FKBP15: variants seen among roughly 807,000 people sequenced by gnomAD.
The protein encoded by FKBP15 is FK506-binding protein 15.
A neutral mutation model predicts 158.1 loss-of-function variants in FKBP15; 106 were observed. That is an observed-to-expected ratio of 0.67 (90% CI 0.57 to 0.79). FKBP15 has a LOEUF of 0.79. FKBP15 is among the 30% of genes least tolerant of loss of function. The pLI is 0.00. For missense variants in FKBP15, 1,287 were observed against 1,479.1 expected (o/e 0.87, Z 2.13); for synonymous variants, 547 against 548.6 (o/e 1.00, Z 0.04).
chr9:113,207,889 G>A (rs1830923840), intron 2 of FKBP15, among the ~76,000 whole-genome samples: 1 of 152,138 alleles, frequency 6.6e-6, no homozygotes, highest in African/African-American at 2.4e-5. Context: ...GCTAGACAAG[G>A]AGTACTGTCT....
intron 1 of FKBP15, among the ~76,000 whole-genome samples, chr9:113,220,569 A>G (rs1831230087): frequency 6.6e-6 from 1 of 152,228 alleles, no homozygotes; most frequent in Non-Finnish European, 1.5e-5. Flanking sequence ...CTTCCTGAGC[A>G]CTCACTATGT....
chr9:113,189,041 T>C (rs1830531024), intron 12 of FKBP15, among the ~76,000 whole-genome samples: 1 of 152,222 alleles, frequency 6.6e-6, no homozygotes, highest in South Asian at 2.1e-4. Context: ...CCAAAGCTTT[T>C]CATAAAATCA....
rs539266189 is a variant in FKBP15 at position 113,164,490 on chromosome 9, A to G, written c.*1588T>C. 1 of 152,390 alleles carries G rather than the reference A, an allele frequency of 6.6e-6. No homozygotes were observed. Among genetic ancestry groups the G allele is most frequent in the Non-Finnish European group, 1.5e-5 (1 of 68,042 alleles). The allele number at this position is 152,390 out of a possible 1,614,324, so 9.4% of individuals were successfully genotyped here. A position where few individuals can be genotyped will look rare whatever the true frequency, so the allele number is the denominator to read the frequency against. ...TCTCTCCCTGCGGGCAGAAGCAAAT[A>G]TAATAGCCACTAGTTAATTTACAAT... is the stretch of plus-strand genomic sequence containing the variant. On this transcript the variant is annotated 3_prime_UTR_variant, in exon 28 of 28. Coordinates refer to ENST00000238256, the MANE Select transcript of FKBP15 (RefSeq NM_015258.2).
intron 22 of FKBP15, 41 bp downstream of exon 22, chr9:113,174,387 C>T (rs1239884463): frequency 8.1e-6 from 13 of 1,602,096 alleles, no homozygotes; most frequent in Admixed American, 5.1e-5. Context: ...GAGTCCTTCA[C>T]ACCTTCCCTC....
At position 113,165,810 on chromosome 9, in the gene FKBP15, T is replaced by TG. The variant is rs751802869; in HGVS notation, c.*267dup. On this transcript the variant is annotated 3_prime_UTR_variant, in exon 28 of 28. Coordinates refer to ENST00000238256, the MANE Select transcript of FKBP15 (RefSeq NM_015258.2). ...TGGCAGAGGACAGGACTCTTACAGG[T>TG]GACTGGCTTGGAGGGGAACCTACCA... 1.6e-5 allele frequency: 6 copies of TG among 383,304 alleles called. No individual in the cohort carries two copies. The highest frequency in any genetic ancestry group is 1.5e-5 in the Non-Finnish European group (3 of 203,096). The allele number at this position is 383,304 out of a possible 1,614,324, so 23.7% of individuals were successfully genotyped here.
rs1293388239 is a variant in FKBP15 at position 113,173,596 on chromosome 9, C to T, written c.2389G>A (p.Val797Ile). 6.2e-7 allele frequency: 1 copy of T among 1,613,540 alleles called. No homozygotes were observed. The highest frequency in any genetic ancestry group is 8.5e-7 in the Non-Finnish European group (1 of 1,179,682). Residue 797 changes from valine (V) to isoleucine (I), a missense_variant, in exon 23 of 28, where the codon GTA becomes ATA. Transcript: ENST00000238256. Reference protein sequence around the residue: ...DQAAAEQLSLVQAELQTQWEA... With the variant: ...DQAAAEQLSLIQAELQTQWEA... ...CACTGGGTCTGTAGCTCAGCCTGTA[C>T]TAAAGACAGCTGCCAAGAGAAAGTA...
chr9:113,172,406 T>C (rs147973272), intron 23 of FKBP15, among the ~76,000 whole-genome samples: 1,802 of 152,262 alleles, frequency 0.012, 37 homozygotes, highest in African/African-American at 0.041. Context: ...TAGTTCTAGA[T>C]CCTTAAGGAA....
chr9:113,171,295 G>A (rs567363373), intron 24 of FKBP15, among the ~76,000 whole-genome samples: 54 of 152,218 alleles, frequency 3.5e-4, no homozygotes, highest in East Asian at 9.7e-4. Context: ...GTGTGGTGGC[G>A]CGTGCCTGTA....
intron 19 of FKBP15, among the ~76,000 whole-genome samples, chr9:113,181,937 G>A (rs1314996900): frequency 6.6e-6 from 1 of 152,148 alleles, no homozygotes; most frequent in African/African-American, 2.4e-5. Flanking sequence ...ATAAAGTAAT[G>A]GGAACAGAAC....
intron 4 of FKBP15, chr9:113,206,301 C>A: frequency 1.8e-6 from 1 of 564,006 alleles, no homozygotes; most frequent in Non-Finnish European, 3.1e-6. Flanking sequence ...TCAAATTTAA[C>A]AATTTTGAAT....
Position 113,198,691 on chromosome 9 carries a change from G to GC in FKBP15, c.717+163dup, listed in dbSNP as rs1830731658. Reference sequence around the variant, plus strand: ...CGCTTGAACCTGGGAGGTGGAGGTTGCAATGAGCCAAGATCGTGCCATTGC... The same window carrying GC: ...CGCTTGAACCTGGGAGGTGGAGGTTGCCAATGAGCCAAGATCGTGCCATTGC... On this transcript the variant is annotated intron_variant, in intron 8 of 27. Transcript: ENST00000238256. The surrounding 1 kb of genome is among the most constrained non-coding windows in gnomAD (Gnocchi z 5.2). Among the ~76,000 whole-genome samples, 1 of 152,186 alleles carries GC rather than the reference G, an allele frequency of 6.6e-6. No individual in the cohort carries two copies. Among genetic ancestry groups the GC allele is most frequent in the African/African-American group, 2.4e-5 (1 of 41,442 alleles).
intron 11 of FKBP15, among the ~76,000 whole-genome samples, chr9:113,192,174 G>T (rs1274084879): frequency 6.6e-6 from 1 of 152,134 alleles, no homozygotes; most frequent in Non-Finnish European, 1.5e-5. Context: ...ACTGTTCAAA[G>T]ATCTGAGATA....
chr9:113,189,609 A>T (rs1392560654), intron 12 of FKBP15, among the ~76,000 whole-genome samples: 1 of 152,130 alleles, frequency 6.6e-6, no homozygotes, highest in Admixed American at 6.5e-5. Context: ...TGTTAAATCT[A>T]CATAGAGCTT....
In FKBP15 at chr9:113,161,810, A is replaced by AAGGACCAG; in HGVS notation, c.*4260_*4267dup. The AAGGACCAG allele has an allele frequency of 8.1e-7, 1 of 1,228,922 alleles. No homozygotes were observed. Among genetic ancestry groups the AAGGACCAG allele is most frequent in the South Asian group, 1.2e-5 (1 of 80,824 alleles). 76.1% of individuals were successfully genotyped at this position (1,228,922 alleles called of 1,614,324 possible). ...ACAGAGAGGACAGCGAGGCCCAGGG[A>AAGGACCAG]AGGACCAGGACTTGCCAAAGTGGCT... On this transcript the variant is annotated 3_prime_UTR_variant, in exon 28 of 28. Coordinates refer to ENST00000238256, the MANE Select transcript of FKBP15 (RefSeq NM_015258.2).
intron 11 of FKBP15, among the ~76,000 whole-genome samples, chr9:113,192,932 G>A (rs1005773739): frequency 1.2e-4 from 18 of 152,158 alleles, no homozygotes; most frequent in Non-Finnish European, 8.8e-5. Flanking sequence ...AACTGAGAGA[G>A]GCTCCTCCGT....
chr9:113,208,823 A>G (rs1830946660), intron 2 of FKBP15, among the ~76,000 whole-genome samples: 1 of 152,058 alleles, frequency 6.6e-6, no homozygotes, highest in Non-Finnish European at 1.5e-5. Flanking sequence ...TCTGGCCAAC[A>G]TGGTGAAACC....
Position 113,184,855 on chromosome 9 carries a change from C to T in FKBP15, c.1499-51G>A. 1 of 1,409,088 alleles carries T rather than the reference C, an allele frequency of 7.1e-7. No individual in the cohort carries two copies. The highest frequency in any genetic ancestry group is 9.8e-7 in the Non-Finnish European group (1 of 1,022,030). The allele number at this position is 1,409,088 out of a possible 1,614,324, so 87.3% of individuals were successfully genotyped here. A position where few individuals can be genotyped will look rare whatever the true frequency, so the allele number is the denominator to read the frequency against. On this transcript the variant is annotated intron_variant, in intron 15 of 27. Coordinates refer to ENST00000238256, the MANE Select transcript of FKBP15 (RefSeq NM_015258.2). The surrounding 1 kb of genome is among the most constrained non-coding windows in gnomAD (Gnocchi z 4.5). The stretch of plus-strand genomic sequence containing the variant: ...ACTTATGAAACTGGAGCAGAGGAAA[C>T]TGTATGAAGAAAAGCTAGTAGCTCT...
intron 25 of FKBP15, 41 bp downstream of exon 25, chr9:113,170,481 T>C (rs747935473): frequency 2.2e-6 from 3 of 1,382,300 alleles, no homozygotes; most frequent in South Asian, 1.2e-5. Context: ...AGCAACAAAA[T>C]GCCCAATACG....
chr9:113,167,657 GCCCCATTCACC>G (rs1830118797), intron 27 of FKBP15, among the ~76,000 whole-genome samples: 1 of 152,146 alleles, frequency 6.6e-6, no homozygotes, highest in African/African-American at 2.4e-5. Flanking sequence ...GACAAAATTT[GCCCCATTCACC>G]CTCATATTTC....
Sources: allele counts gnomAD v4.1 joint callset (sites outside exome capture counted in the v4.1 genomes callset), GRCh38; gene constraint gnomAD v4.1.1; non-coding constraint Gnocchi (gnomAD v3.1); transcripts MANE v1.5; gene names NCBI Gene and HGNC (gene_info 2026-07-23, HGNC 2026-07-21).